Variants in DPYD observed in about 807,000 individuals in gnomAD.
DPYD encodes the protein dihydropyrimidine dehydrogenase [NADP(+)].
Under a neutral mutation model 116.2 loss-of-function variants are expected in DPYD, and 109 were observed. The ratio of observed to expected loss-of-function variants is 0.94; its 90% CI spans 0.80 to 1.10. DPYD has a LOEUF of 1.10. DPYD is among the 50% of genes least tolerant of loss of function. The pLI is 0.00. For synonymous variants in DPYD, 440 were observed against 432.0 expected, an observed-to-expected ratio of 1.02 and a Z score of -0.23; for missense variants, 1,302 against 1,254.5, an observed-to-expected ratio of 1.04 and a Z score of -0.57.
chr1:97,424,545 C>G (rs1364227162), intron 14 of DPYD, among the ~76,000 whole-genome samples: 1 of 152,044 alleles, frequency 6.6e-6, no homozygotes, highest in Non-Finnish European at 1.5e-5. Flanking sequence ...AGAAAATGAA[C>G]ACTGATTATA....
chr1:97,858,023 G>T (rs1336092113), intron 2 of DPYD, among the ~76,000 whole-genome samples: 1 of 151,846 alleles, frequency 6.6e-6, no homozygotes, highest in Non-Finnish European at 1.5e-5. Flanking sequence ...AACAAATGTT[G>T]GTTTGGGAGT....
chr1:97,386,779 A>G (rs946410475), intron 14 of DPYD, among the ~76,000 whole-genome samples: 1 of 152,150 alleles, frequency 6.6e-6, no homozygotes, highest in Non-Finnish European at 1.5e-5. Flanking sequence ...TCTGAGAAAT[A>G]AAGATGACCA....
chr1:97,696,199 A>G (rs548303897), intron 6 of DPYD, among the ~76,000 whole-genome samples: 2 of 152,148 alleles, frequency 1.3e-5, no homozygotes, highest in African/African-American at 4.8e-5. Context: ...AGGATATCAG[A>G]GGACATTTTT....
intron 18 of DPYD, among the ~76,000 whole-genome samples, chr1:97,240,240 ATT>A (rs34678676): frequency 0.011 from 1,614 of 148,336 alleles, 25 homozygotes; most frequent in African/African-American, 0.037. Flanking sequence ...TATATTTAAG[ATT>A]TTTTTTTTTT....
At chr1:97,220,184 A>T (rs1660689988) in intron 19 of DPYD, among the ~76,000 whole-genome samples, 1 of 152,060 alleles carries the variant, frequency 6.6e-6, no homozygotes, top group Admixed American at 6.6e-5. Flanking sequence ...TTATGAATGG[A>T]TTATTCCATT....
chr1:97,871,418 A>G (rs761912782), intron 2 of DPYD, among the ~76,000 whole-genome samples: 1 of 151,900 alleles, frequency 6.6e-6, no homozygotes, highest in South Asian at 2.1e-4. Context: ...GGCCATTCTA[A>G]GAGAGGGAAC....
chr1:97,103,307 G>A (rs1332698134), intron 20 of DPYD, among the ~76,000 whole-genome samples: 1 of 152,004 alleles, frequency 6.6e-6, no homozygotes, highest in African/African-American at 2.4e-5. Flanking sequence ...TTTTAGCATG[G>A]TTTAGAATCA....
intron 18 of DPYD, among the ~76,000 whole-genome samples, chr1:97,288,694 G>A (rs914235982): frequency 7.0e-6 from 1 of 142,580 alleles, no homozygotes; most frequent in Non-Finnish European, 1.5e-5. Context: ...GCAGTGTGTA[G>A]AGGGAAATTT....
At chr1:97,907,996 T>C (rs1277163627) in intron 1 of DPYD, among the ~76,000 whole-genome samples, 1 of 152,074 alleles carries the variant, frequency 6.6e-6, no homozygotes, top group African/African-American at 2.4e-5. Context: ...GGCTGGTTGA[T>C]GCATCACTCC....
At chr1:97,758,295 A>C (rs1665369476) in intron 3 of DPYD, among the ~76,000 whole-genome samples, 1 of 151,988 alleles carries the variant, frequency 6.6e-6, no homozygotes, top group African/African-American at 2.4e-5. Context: ...GTGCCTTCCA[A>C]CACACAAGGG....
At chr1:97,583,268 C>G (rs78846772) in intron 10 of DPYD, among the ~76,000 whole-genome samples, 8,821 of 152,108 alleles carry the variant, frequency 0.058, 299 homozygotes, top group Middle Eastern at 0.13. Flanking sequence ...TGCGCCTGAC[C>G]AAAAAGAGTA....
At chr1:97,886,545 T>C (rs1426514187) in intron 1 of DPYD, among the ~76,000 whole-genome samples, 1 of 152,058 alleles carries the variant, frequency 6.6e-6, no homozygotes, top group African/African-American at 2.4e-5. Context: ...CTATTGCCTA[T>C]ACCTAGTACT....
chr1:97,836,472 A>C (rs868067233), intron 2 of DPYD, among the ~76,000 whole-genome samples: 3 of 152,164 alleles, frequency 2.0e-5, no homozygotes, highest in Non-Finnish European at 2.9e-5. Context: ...TACTGTAATA[A>C]CACCACCCAG....
At chr1:97,663,995 C>T (rs1659413600) in intron 8 of DPYD, among the ~76,000 whole-genome samples, 1 of 152,064 alleles carries the variant, frequency 6.6e-6, no homozygotes, top group South Asian at 2.1e-4. Context: ...AAGGAATAGT[C>T]AAAGTCACAG....
intron 8 of DPYD, among the ~76,000 whole-genome samples, chr1:97,672,301 C>G (rs188299034): frequency 6.6e-6 from 1 of 152,190 alleles, no homozygotes; most frequent in East Asian, 1.9e-4. Flanking sequence ...TTAATATGTG[C>G]TTTCTATAGA....
chr1:97,558,203 T>G (rs1651888005), intron 11 of DPYD, among the ~76,000 whole-genome samples: 1 of 152,180 alleles, frequency 6.6e-6, no homozygotes, highest in Non-Finnish European at 1.5e-5. Context: ...AACGACTTTC[T>G]GTTACGCTAG....
At chr1:97,283,948 T>C (rs1250598667) in intron 18 of DPYD, among the ~76,000 whole-genome samples, 1 of 152,126 alleles carries the variant, frequency 6.6e-6, no homozygotes, top group Non-Finnish European at 1.5e-5. Context: ...AATGATTCTT[T>C]GTGAAAGCTG....
chr1:97,698,898 T>C (rs990457334), intron 6 of DPYD, among the ~76,000 whole-genome samples: 2 of 151,990 alleles, frequency 1.3e-5, no homozygotes, highest in Non-Finnish European at 2.9e-5. Flanking sequence ...GACAAAATTT[T>C]AATCAAAAGT....
At chr1:97,885,325 TAAC>T (rs1672428036) in intron 1 of DPYD, among the ~76,000 whole-genome samples, 4 of 152,056 alleles carry the variant, frequency 2.6e-5, no homozygotes, top group African/African-American at 9.6e-5. Context: ...ATTATACTAT[TAAC>T]AACAGACACA....
Sources: gnomAD v4.1 joint callset for allele counts (sites outside exome capture counted in the v4.1 genomes callset) on GRCh38, gnomAD v4.1.1 for gene constraint, MANE v1.5 for transcripts, NCBI Gene and HGNC (gene_info 2026-07-23, HGNC 2026-07-21) for gene names.